The following SOX30 variants were observed in gnomAD, a reference collection of about 807,000 sequenced individuals.
SOX30 encodes SRY-box transcription factor 30, also known as transcription factor SOX-30.
Under a neutral mutation model 58.6 loss-of-function variants are expected in SOX30, and 17 were observed. That is an observed-to-expected ratio of 0.29 (90% confidence interval 0.20 to 0.44). The LOEUF (loss-of-function observed/expected upper bound fraction) is 0.44. Among genes scored for constraint, SOX30 ranks in the 20% least tolerant of loss-of-function variants. The pLI is 1.00. For missense variants in SOX30, 951 were observed against 965.8 expected, an observed-to-expected ratio of 0.98 and a Z score of 0.20; for synonymous variants, 421 against 400.2, an observed-to-expected ratio of 1.05 and a Z score of -0.62.
At chr5:157,631,920 G>C (rs1758820627) in intron 4 of SOX30, among the ~76,000 whole-genome samples, 1 of 150,734 alleles carries the variant, frequency 6.6e-6, no homozygotes, top group East Asian at 1.9e-4. Flanking sequence ...GTGCACACCT[G>C]TAGTCCCAGT....
chr5:157,644,329 AC>A (rs1209868646), intron 3 of SOX30, among the ~76,000 whole-genome samples: 2 of 152,196 alleles, frequency 1.3e-5, no homozygotes, highest in African/African-American at 4.8e-5. Context: ...ATTGTAAAAA[AC>A]AAAACAAAAA....
chr5:157,651,174 A>G lies in SOX30; in HGVS notation c.905T>C (p.Leu302Pro), dbSNP rs745475350. The G allele has an allele frequency of 6.2e-7, 1 of 1,606,276 alleles. No individual in the cohort carries two copies. The highest frequency in any genetic ancestry group is 1.1e-5 in the South Asian group (1 of 90,314). Residue 302 changes from leucine (L) to proline (P), a missense_variant, in exon 1 of 5, where the codon CTG becomes CCG. Physicochemically the swap from Leu to Pro is moderately conservative, Grantham distance 98. This residue lies in a region of SOX30 where 60 missense variants were observed against 74.0 expected (regional missense o/e 0.81). Coordinates refer to ENST00000265007, the MANE Select transcript of SOX30 (RefSeq NM_178424.2). ...TPVPTKMQSL[L>P]EPSVKIETKD... The stretch of plus-strand genomic sequence containing the variant: ...GGTTTCAATTTTTACAGAAGGCTCC[A>G]GTAGGGACTGCATTTTAGTAGGCAC...
At chr5:157,630,241 G>A (rs991727818) in intron 4 of SOX30, among the ~76,000 whole-genome samples, 1 of 152,038 alleles carries the variant, frequency 6.6e-6, no homozygotes, top group African/African-American at 2.4e-5. Context: ...TTAGTTCCTT[G>A]AGCATATTTA....
intron 3 of SOX30, among the ~76,000 whole-genome samples, chr5:157,646,123 C>T (rs1759186037): frequency 6.6e-6 from 1 of 151,690 alleles, no homozygotes; most frequent in African/African-American, 2.4e-5. Context: ...AAATCAGTAA[C>T]AGGAATGTAA....
intron 4 of SOX30, among the ~76,000 whole-genome samples, chr5:157,627,645 A>C (rs891646999): frequency 2.0e-4 from 30 of 152,264 alleles, no homozygotes; most frequent in African/African-American, 6.5e-4. Context: ...TTTCCAAAAC[A>C]TTTTTTGGAG....
chr5:157,651,757 G>A lies in SOX30; in HGVS notation c.322C>T (p.Arg108Trp). Residue 108 changes from arginine (R) to tryptophan (W), a missense_variant, in exon 1 of 5, where the codon CGG becomes TGG. By Grantham distance (101) the Arg-to-Trp change is moderately radical. Around this residue, in one of 7 missense-constraint regions of SOX30, gnomAD observed 363 missense variants for 294.5 expected, o/e 1.23. Transcript: ENST00000265007. ...GACGCTGTCGGCGGCTGCAGGAGCCGCAGGTCGGGCCTGAACTGCAACAGC... is the reference window on the plus strand; with the variant it reads ...GACGCTGTCGGCGGCTGCAGGAGCCACAGGTCGGGCCTGAACTGCAACAGC... ...ARLLQFRPDLRLLQPPTASDG... is the reference protein window; with the variant it reads ...ARLLQFRPDLWLLQPPTASDG... The A allele has an allele frequency of 6.4e-7, 1 of 1,556,226 alleles. No homozygotes were observed. Among genetic ancestry groups the A allele is most frequent in the South Asian group, 1.2e-5 (1 of 85,874 alleles).
At chr5:157,654,064 G>T (rs1457832365), upstream of SOX30, among the ~76,000 whole-genome samples, 3 of 151,952 alleles carry the variant, frequency 2.0e-5, no homozygotes, top group Non-Finnish European at 4.4e-5. Context: ...TACTCGGGAG[G>T]CTGAGGCAGG....
At chr5:157,632,452 T>C (rs963301244) in intron 4 of SOX30, among the ~76,000 whole-genome samples, 17 of 152,140 alleles carry the variant, frequency 1.1e-4, no homozygotes, top group African/African-American at 4.1e-4. Flanking sequence ...CCATCTGTAC[T>C]AAAAATATAA....
chr5:157,630,944 T>C (rs1324950933), intron 4 of SOX30, among the ~76,000 whole-genome samples: 2 of 135,132 alleles, frequency 1.5e-5, no homozygotes, highest in Non-Finnish European at 3.1e-5. Context: ...ATATATATAC[T>C]ATATATATTG....
rs141767452 is a variant in SOX30, at chr5:157,658,072, G to A, written c.53-9176C>T. On this transcript the variant is annotated intron_variant, in intron 2 of 5. Coordinates refer to the SOX30 transcript ENST00000519442. ...TCCCCAGGTTATCTTGGGACCCCAAGAGGAGGGGAATTTACTCATCTCATA... is the reference window on the plus strand; with the variant it reads ...TCCCCAGGTTATCTTGGGACCCCAAAAGGAGGGGAATTTACTCATCTCATA... 2.1e-3 allele frequency among the ~76,000 whole-genome samples: 326 copies of A among 152,312 alleles called. 2 individuals are homozygous for A. The highest frequency in any genetic ancestry group is 7.6e-3 in the African/African-American group (316 of 41,562).
At chr5:157,633,629 G>T (rs1758862379) in intron 4 of SOX30, among the ~76,000 whole-genome samples, 1 of 152,170 alleles carries the variant, frequency 6.6e-6, no homozygotes, top group Admixed American at 6.5e-5. Context: ...TATTATGGAA[G>T]AAGTCCATAA....
At chr5:157,650,323 A>C (rs1000710261) in intron 1 of SOX30, among the ~76,000 whole-genome samples, 3 of 152,112 alleles carry the variant, frequency 2.0e-5, no homozygotes, top group Non-Finnish European at 4.4e-5. Context: ...CAACACAGAA[A>C]ATTAAAAAAA....
At chr5:157,659,078 A>G (rs2113856394) in intron 2 of SOX30, among the ~76,000 whole-genome samples, 1 of 152,352 alleles carries the variant, frequency 6.6e-6, no homozygotes, top group South Asian at 2.1e-4. Context: ...AAAGGGATGC[A>G]TGAATAATTC....
rs1016820995 is a variant in SOX30, at chr5:157,649,013, C to T, written c.968-117G>A. ...TTTTGAAATATCTGGAGGAAATATA[C>T]ACTTCAATATAACCAAAAAAACCTG... On this transcript the variant is annotated intron_variant, in intron 1 of 4. Coordinates refer to ENST00000265007, the MANE Select transcript of SOX30 (RefSeq NM_178424.2). The T allele has an allele frequency of 3.3e-5, 45 of 1,355,856 alleles. No homozygotes were observed. In the African/African-American group the frequency reaches 3.5e-4, roughly 11 times the overall value. 84.0% of individuals were successfully genotyped at this position (1,355,856 alleles called of 1,614,324 possible). A position where few individuals can be genotyped will look rare whatever the true frequency, so the allele number is the denominator to read the frequency against.
At chr5:157,629,434 A>G (rs1273744009) in intron 4 of SOX30, among the ~76,000 whole-genome samples, 1 of 152,238 alleles carries the variant, frequency 6.6e-6, no homozygotes, top group Non-Finnish European at 1.5e-5. Flanking sequence ...ATCTAGGTAT[A>G]TATTAGACAT....
intron 3 of SOX30, among the ~76,000 whole-genome samples, chr5:157,642,360 G>C (rs939897376): frequency 5.9e-5 from 9 of 151,344 alleles, no homozygotes; most frequent in African/African-American, 2.2e-4. Flanking sequence ...CCAAATAATG[G>C]AGAAATATTA....
chr5:157,640,255 T>C (rs1157966260), intron 3 of SOX30, among the ~76,000 whole-genome samples: 1 of 152,200 alleles, frequency 6.6e-6, no homozygotes, highest in Non-Finnish European at 1.5e-5. Context: ...TATCCCAGTA[T>C]CTAGCCAGAA....
intron 3 of SOX30, among the ~76,000 whole-genome samples, chr5:157,641,227 G>GA (rs1053857236): frequency 1.3e-3 from 183 of 142,004 alleles, no homozygotes; most frequent in Non-Finnish European, 1.6e-3. Flanking sequence ...CATCTCTACA[G>GA]AAAAAAAAAA....
At chr5:157,649,960 A>G (rs568856866) in intron 1 of SOX30, among the ~76,000 whole-genome samples, 1 of 152,308 alleles carries the variant, frequency 6.6e-6, no homozygotes, top group African/African-American at 2.4e-5. Context: ...TCACACCTGT[A>G]ACCTCAGTAC....
Sources: allele counts gnomAD v4.1 joint callset (sites outside exome capture counted in the v4.1 genomes callset), GRCh38; gene constraint gnomAD v4.1.1; regional missense constraint gnomAD v4.1.1; transcripts MANE v1.5; gene names NCBI Gene and HGNC (gene_info 2026-07-23, HGNC 2026-07-21).